The following UBE2D2 variants were observed in gnomAD, a reference collection of about 807,000 sequenced individuals.
The protein encoded by UBE2D2 is ubiquitin-conjugating enzyme E2 D2.
A neutral mutation model predicts 24.2 loss-of-function variants in UBE2D2; 2 were observed. That is an observed-to-expected ratio of 0.08 (90% confidence interval 0.03 to 0.26). The LOEUF (loss-of-function observed/expected upper bound fraction) is 0.26, where lower values mean the gene tolerates loss of function less well. Ranked by LOEUF, UBE2D2 falls within the 10% of genes least tolerant of loss-of-function variation. The pLI, the probability that UBE2D2 is intolerant of heterozygous loss-of-function variation, is 1.00. For missense variants in UBE2D2, 44 were observed against 177.6 expected, an observed-to-expected ratio of 0.25 and a Z score of 4.28; for synonymous variants, 58 against 56.5, an observed-to-expected ratio of 1.03 and a Z score of -0.12.
chr5:139,596,779 G>A (rs963639655), intron 1 of UBE2D2, among the ~76,000 whole-genome samples: 1 of 151,890 alleles, frequency 6.6e-6, no homozygotes, highest in African/African-American at 2.4e-5. Flanking sequence ...AGGTGCGGTG[G>A]CTCACTCCTG....
At chr5:139,532,950 A>G in intron 1 of UBE2D2, among the ~76,000 whole-genome samples, 1 of 151,730 alleles carries the variant, frequency 6.6e-6, no homozygotes, top group East Asian at 2.0e-4. Context: ...CTACTAAAAA[A>G]TACAAAAATT....
At chr5:139,580,461 A>G (rs948444013) in intron 1 of UBE2D2, among the ~76,000 whole-genome samples, 19 of 152,064 alleles carry the variant, frequency 1.2e-4, no homozygotes, top group African/African-American at 4.6e-4. Context: ...CCCTGTTTCT[A>G]CAAATTTTTT....
At chr5:139,546,366 G>A (rs1288764064) in intron 1 of UBE2D2, among the ~76,000 whole-genome samples, 1 of 152,038 alleles carries the variant, frequency 6.6e-6, no homozygotes, top group Non-Finnish European at 1.5e-5. Context: ...TGCATTTTCA[G>A]TAGAGACAGA....
At chr5:139,550,776 C>T (rs1376899649) in intron 1 of UBE2D2, among the ~76,000 whole-genome samples, 1 of 151,704 alleles carries the variant, frequency 6.6e-6, no homozygotes, top group Non-Finnish European at 1.5e-5. Flanking sequence ...AAGTCTGCAG[C>T]TTCACTCCTG....
chr5:139,593,795 T>C, intron 1 of UBE2D2, among the ~76,000 whole-genome samples: 1 of 152,090 alleles, frequency 6.6e-6, no homozygotes, highest in Non-Finnish European at 1.5e-5. Context: ...AAAATTTTTT[T>C]TGTGGAGATA....
intron 2 of UBE2D2, among the ~76,000 whole-genome samples, chr5:139,608,869 G>T (rs1410923712): frequency 6.6e-6 from 1 of 152,158 alleles, no homozygotes; most frequent in Non-Finnish European, 1.5e-5. Context: ...TGGATCACCT[G>T]AAGTCAGGAG....
At position 139,561,567 on chromosome 5, in the gene UBE2D2, G is replaced by A; in HGVS notation, c.-225G>A. On this transcript the variant is annotated 5_prime_UTR_variant, in exon 1 of 7. Coordinates refer to ENST00000398733, the MANE Select transcript of UBE2D2 (RefSeq NM_003339.3). ...GGCGGCGGTGGCGGCTAGGGCGGCG[G>A]CGAATAAAGGGGCCGCCGCCGGGTG... The A allele has an allele frequency of 2.4e-6, 1 of 422,358 alleles. No homozygotes were observed. Among genetic ancestry groups the A allele is most frequent in the Non-Finnish European group, 4.2e-6 (1 of 240,124 alleles). The allele number at this position is 422,358 out of a possible 1,614,324, so 26.2% of individuals were successfully genotyped here.
chr5:139,563,490 A>G (rs1371906618), intron 1 of UBE2D2, among the ~76,000 whole-genome samples: 3 of 152,168 alleles, frequency 2.0e-5, no homozygotes, highest in African/African-American at 4.8e-5. Flanking sequence ...AAAAAAATAT[A>G]TACATATGTA....
At chr5:139,598,274 AAAT>A (rs1320668053) in intron 1 of UBE2D2, among the ~76,000 whole-genome samples, 4 of 152,184 alleles carry the variant, frequency 2.6e-5, no homozygotes, top group Non-Finnish European at 5.9e-5. Flanking sequence ...ATAAGAGTCT[AAAT>A]GGTTTTGGAT....
intron 2 of UBE2D2, among the ~76,000 whole-genome samples, chr5:139,609,362 G>A (rs1429358009): frequency 1.3e-5 from 2 of 151,798 alleles, no homozygotes; most frequent in African/African-American, 4.8e-5. Flanking sequence ...GGACAACATA[G>A]TGAGACCCCA....
At chr5:139,568,615 C>G (rs979714293) in intron 1 of UBE2D2, among the ~76,000 whole-genome samples, 1 of 151,834 alleles carries the variant, frequency 6.6e-6, no homozygotes, top group Admixed American at 6.6e-5. Context: ...GGAGATCGCG[C>G]CGCTGCATTC....
intron 1 of UBE2D2, among the ~76,000 whole-genome samples, chr5:139,537,735 T>C (rs972202527): frequency 1.4e-4 from 21 of 151,542 alleles, no homozygotes; most frequent in Non-Finnish European, 2.5e-4. Context: ...GAGGCCAAGG[T>C]GGGCGGATCA....
intron 5 of UBE2D2, among the ~76,000 whole-genome samples, chr5:139,615,831 T>A (rs1754410364): frequency 7.7e-6 from 1 of 130,046 alleles, no homozygotes; most frequent in Admixed American, 7.5e-5. Flanking sequence ...TAATCTAGAT[T>A]TTTTTTTTTT....
At chr5:139,538,682 C>A (rs866501295) in intron 1 of UBE2D2, among the ~76,000 whole-genome samples, 5 of 151,940 alleles carry the variant, frequency 3.3e-5, no homozygotes, top group Non-Finnish European at 7.4e-5. Flanking sequence ...ACCAGCCTGA[C>A]CAACATGGAA....
intron 1 of UBE2D2, among the ~76,000 whole-genome samples, chr5:139,553,249 A>G (rs925351189): frequency 6.6e-6 from 1 of 152,230 alleles, no homozygotes; most frequent in Non-Finnish European, 1.5e-5. Flanking sequence ...TAGGAAATCA[A>G]TAACAGGTTA....
At chr5:139,606,941 ATTACGGGTGCCTG>A (rs1299959992) in intron 2 of UBE2D2, among the ~76,000 whole-genome samples, 1 of 152,080 alleles carries the variant, frequency 6.6e-6, no homozygotes, top group Admixed American at 6.6e-5. Context: ...AGTAGCTGGG[ATTACGGGTGCCTG>A]CCACCACGCC....
intron 2 of UBE2D2, among the ~76,000 whole-genome samples, chr5:139,609,070 G>C (rs1362781283): frequency 6.6e-6 from 1 of 151,274 alleles, no homozygotes; most frequent in Non-Finnish European, 1.5e-5. Context: ...CCAGGCGACA[G>C]AGCGAGACTC....
intron 1 of UBE2D2, among the ~76,000 whole-genome samples, chr5:139,591,427 G>A (rs1203406852): frequency 6.6e-6 from 1 of 152,010 alleles, no homozygotes; most frequent in African/African-American, 2.4e-5. Context: ...ACCCATGGTG[G>A]GTATTTTCTA....
chr5:139,556,553 T>C (rs895036687), upstream of UBE2D2, among the ~76,000 whole-genome samples: 2 of 152,120 alleles, frequency 1.3e-5, no homozygotes, highest in Non-Finnish European at 2.9e-5. Context: ...TTTAGGAGAA[T>C]TGATAAATCC....
Sources: allele counts gnomAD v4.1 joint callset (sites outside exome capture counted in the v4.1 genomes callset), GRCh38; gene constraint gnomAD v4.1.1; transcripts MANE v1.5; gene names NCBI Gene and HGNC (gene_info 2026-07-23, HGNC 2026-07-21).